Variants in ACADSB observed in about 807,000 individuals in gnomAD.
ACADSB encodes the protein short/branched chain specific acyl-CoA dehydrogenase, mitochondrial.
ACADSB carries 40 observed loss-of-function variants against 54.1 expected under a neutral mutation model. The ratio of observed to expected loss-of-function variants is 0.74; its 90% CI spans 0.57 to 0.96. The LOEUF is 0.96. Ranked by LOEUF, ACADSB falls within the 40% of genes least tolerant of loss-of-function variation. The pLI, the probability that ACADSB is intolerant of heterozygous loss-of-function variation, is 0.00. For synonymous variants in ACADSB, 182 were observed against 182.8 expected, an observed-to-expected ratio of 1.00 and a Z score of 0.03; for missense variants, 530 against 510.4, an observed-to-expected ratio of 1.04 and a Z score of -0.37.
rs1402218664 is a variant in ACADSB at position 123,051,121 on chromosome 10, A to G, written c.1063A>G (p.Arg355Gly). ...AARLLTYNAA[R>G]LLEAGKPFIK... ...AAGATTACTAACATACAATGCTGCTAGGCTTTTAGAAGCTGGAAAGCCATT... is the reference window on the plus strand; with the variant it reads ...AAGATTACTAACATACAATGCTGCTGGGCTTTTAGAAGCTGGAAAGCCATT... Residue 355 changes from arginine to glycine, a missense_variant, in exon 9 of 11, where the codon AGG becomes GGG. Transcript: ENST00000358776. 1 of 1,563,698 alleles carries G rather than the reference A, an allele frequency of 6.4e-7. No individual in the cohort carries two copies. The highest frequency in any genetic ancestry group is 1.1e-5 in the South Asian group (1 of 90,068).
intron 3 of ACADSB, among the ~76,000 whole-genome samples, chr10:123,039,081 C>G (rs1374387782): frequency 6.6e-6 from 1 of 152,196 alleles, no homozygotes; most frequent in South Asian, 2.1e-4. Flanking sequence ...CTCCCATTGT[C>G]CTGGGTTTTT....
chr10:123,032,899 A>G lies in ACADSB; in HGVS notation c.43-1457A>G, dbSNP rs570849733. Reference sequence around the variant, plus strand: ...CCACCATGCCTGGCCTCCAATTTCCATTCTTTCCCCCCTTTCTTCCTTCTT... The same window carrying G: ...CCACCATGCCTGGCCTCCAATTTCCGTTCTTTCCCCCCTTTCTTCCTTCTT... On this transcript the variant is annotated intron_variant, in intron 1 of 10. Transcript: ENST00000358776. 2.0e-5 allele frequency among the ~76,000 whole-genome samples: 3 copies of G among 151,828 alleles called. No individual in the cohort carries two copies. The East Asian group carries it at 5.8e-4, about 30-fold the overall frequency.
chr10:123,033,404 A>G (rs1245053304), intron 1 of ACADSB, among the ~76,000 whole-genome samples: 1 of 151,650 alleles, frequency 6.6e-6, no homozygotes, highest in Non-Finnish European at 1.5e-5. Flanking sequence ...TCAGCGTGTA[A>G]TCAAAACTAC....
At chr10:123,023,695 C>A (rs1004395790) in intron 1 of ACADSB, among the ~76,000 whole-genome samples, 8 of 152,204 alleles carry the variant, frequency 5.3e-5, no homozygotes, top group African/African-American at 1.9e-4. Context: ...GGCCAAACAG[C>A]ACTAAAGGAG....
Position 123,049,188 on chromosome 10 carries a change from G to A in ACADSB, c.991-1861G>A, listed in dbSNP as rs139330872. On this transcript the variant is annotated intron_variant, in intron 8 of 10. Transcript: ENST00000358776. ...GTATAATGCTTTGATTAAAGTTAGT[G>A]GAGTTTTTTCTAACACATTATCTTA... Among the ~76,000 whole-genome samples the A allele has an allele frequency of 4.9e-3, 745 of 152,186 alleles. 3 individuals are homozygous for A. The highest frequency in any genetic ancestry group is 0.017 in the African/African-American group (708 of 41,524).
At chr10:123,039,199 G>A (rs1222197413) in intron 3 of ACADSB, among the ~76,000 whole-genome samples, 2 of 152,122 alleles carry the variant, frequency 1.3e-5, no homozygotes, top group African/African-American at 4.8e-5. Context: ...TGAGGTTTCC[G>A]GAGTGCCCTC....
intron 7 of ACADSB, among the ~76,000 whole-genome samples, chr10:123,045,131 GTATATATATATATATA>G (rs759224009): frequency 0.026 from 710 of 26,806 alleles, 34 homozygotes; most frequent in South Asian, 0.061. Flanking sequence ...TTTGTAGAGT[GTATATATATATATATA>G]TATATATATA....
intron 2 of ACADSB, among the ~76,000 whole-genome samples, chr10:123,037,296 T>C (rs1424216164): frequency 6.6e-6 from 1 of 152,208 alleles, no homozygotes; most frequent in African/African-American, 2.4e-5. Flanking sequence ...TATGCTGACA[T>C]AGAAAGATCA....
In ACADSB at chr10:123,053,078, G is replaced by A. The variant is rs1340525667; in HGVS notation, c.1146G>A (p.Thr382=). The change falls in exon 10 of 11, where the codon ACG becomes ACA. Residue 382 remains threonine, a synonymous_variant. Transcript: ENST00000358776. Reference sequence around the variant, plus strand: ...TTTGGTAGATTGCAGGACAAACAACGAGTAAATGTATCGAGTGGATGGGGG... The same window carrying A: ...TTTGGTAGATTGCAGGACAAACAACAAGTAAATGTATCGAGTGGATGGGGG... ...YYASEIAGQT[T]SKCIEWMGGV... The A allele has an allele frequency of 7.4e-6, 12 of 1,613,816 alleles. No individual in the cohort carries two copies. Among genetic ancestry groups the A allele is most frequent in the Non-Finnish European group, 1.0e-5 (12 of 1,179,896 alleles).
Position 123,034,385 on chromosome 10 carries a change from T to G in ACADSB, c.72T>G (p.Ser24=). Residue 24 remains serine (S), a synonymous_variant, in exon 2 of 11, where the codon TCT becomes TCG. Coordinates refer to ENST00000358776, the MANE Select transcript of ACADSB (RefSeq NM_001609.4). ...LLRRNFLTCL[S]SWKIPPHVSK... ...GAAGAAATTTCCTGACTTGTTTGTCTTCTTGGAAGATTCCTCCTCATGTCT... is the reference window on the plus strand; with the variant it reads ...GAAGAAATTTCCTGACTTGTTTGTCGTCTTGGAAGATTCCTCCTCATGTCT... 6.2e-7 allele frequency: 1 copy of G among 1,613,902 alleles called. No homozygotes were observed. The highest frequency in any genetic ancestry group is 8.5e-7 in the Non-Finnish European group (1 of 1,179,994).
At chr10:123,018,137 G>A (rs987685882) in intron 1 of ACADSB, among the ~76,000 whole-genome samples, 19 of 152,132 alleles carry the variant, frequency 1.2e-4, no homozygotes, top group Non-Finnish European at 2.5e-4. Flanking sequence ...TGTTCAGCTG[G>A]TTTGGGGGGC....
At chr10:123,044,837 C>G (rs1850529407) in intron 7 of ACADSB, among the ~76,000 whole-genome samples, 1 of 151,916 alleles carries the variant, frequency 6.6e-6, no homozygotes. Context: ...GAATTTTTTA[C>G]ATTAAGAATA....
intron 1 of ACADSB, among the ~76,000 whole-genome samples, chr10:123,025,531 G>A (rs1424990145): frequency 6.6e-6 from 1 of 152,146 alleles, no homozygotes; most frequent in South Asian, 2.1e-4. Context: ...AAAACTATAA[G>A]CGAAGTCAAA....
At chr10:123,010,142 A>G (rs1029679568) in intron 1 of ACADSB, among the ~76,000 whole-genome samples, 7 of 152,212 alleles carry the variant, frequency 4.6e-5, no homozygotes, top group East Asian at 3.8e-4. Flanking sequence ...CTTTGGTTTT[A>G]CAATTTGACT....
At chr10:123,040,372 T>C in intron 3 of ACADSB, 94 bp from the exon 4 acceptor site, 1 of 1,055,116 alleles carries the variant, frequency 9.5e-7, no homozygotes, top group Non-Finnish European at 1.4e-6. Context: ...TAATAATAAA[T>C]ATGGTTACAG....
intron 1 of ACADSB, among the ~76,000 whole-genome samples, chr10:123,032,489 A>C (rs1242860840): frequency 1.3e-5 from 2 of 152,110 alleles, no homozygotes; most frequent in East Asian, 3.9e-4. Flanking sequence ...CATTCATTCA[A>C]ATATATATCA....
chr10:123,027,498 C>T (rs1228065239), intron 1 of ACADSB: 1 of 454,770 alleles, frequency 2.2e-6, no homozygotes, highest in East Asian at 7.0e-5. Flanking sequence ...TCAGGGTTTC[C>T]ACTTTTGCTT....
intron 5 of ACADSB, 24 bp downstream of exon 5, chr10:123,041,403 T>C: frequency 6.2e-7 from 1 of 1,612,842 alleles, no homozygotes; most frequent in Non-Finnish European, 8.5e-7. Flanking sequence ...CGAAATTTCT[T>C]TCTTTTTCCA....
At chr10:123,037,467 G>A (rs1354286895) in intron 2 of ACADSB, among the ~76,000 whole-genome samples, 8 of 152,126 alleles carry the variant, frequency 5.3e-5, no homozygotes, top group Non-Finnish European at 1.0e-4. Context: ...TGGGTAGAGT[G>A]GAAATGGCTT....
Sources: allele counts gnomAD v4.1 joint callset (sites outside exome capture counted in the v4.1 genomes callset), GRCh38; gene constraint gnomAD v4.1.1; transcripts MANE v1.5; gene names NCBI Gene and HGNC (gene_info 2026-07-23, HGNC 2026-07-21).